PPP2R5E: variants seen among roughly 807,000 people sequenced by gnomAD.
PPP2R5E encodes serine/threonine-protein phosphatase 2A 56 kDa regulatory subunit epsilon isoform.
Under a neutral mutation model 65.3 loss-of-function variants are expected in PPP2R5E, and 4 were observed. The ratio of observed to expected loss-of-function variants is 0.06; its 90% confidence interval spans 0.03 to 0.14. The LOEUF (loss-of-function observed/expected upper bound fraction) is 0.14, where lower values mean the gene tolerates loss of function less well. Ranked by LOEUF, PPP2R5E falls within the 10% of genes least tolerant of loss-of-function variation. The pLI is 1.00. For synonymous variants in PPP2R5E, 183 were observed against 187.4 expected (o/e 0.98, Z 0.19); for missense variants, 274 against 556.1 (o/e 0.49, Z 5.10).
chr14:63,521,401 G>A (rs1892902214), intron 2 of PPP2R5E, among the ~76,000 whole-genome samples: 2 of 152,214 alleles, frequency 1.3e-5, no homozygotes, highest in African/African-American at 4.8e-5. Flanking sequence ...GGGCGCAGTG[G>A]CTCATGCCTG....
chr14:63,511,108 C>T (rs1892435617), intron 2 of PPP2R5E, among the ~76,000 whole-genome samples: 1 of 152,216 alleles, frequency 6.6e-6, no homozygotes, highest in East Asian at 1.9e-4. Context: ...AATTTTATAG[C>T]TCCTCCCACA....
chr14:63,502,727 A>G (rs933851657), intron 2 of PPP2R5E, among the ~76,000 whole-genome samples: 5 of 152,184 alleles, frequency 3.3e-5, no homozygotes, highest in African/African-American at 4.8e-5. Context: ...CATCTATAGG[A>G]AGGATAAATA....
chr14:63,432,109 G>A (rs1887707865), intron 3 of PPP2R5E, among the ~76,000 whole-genome samples: 1 of 151,072 alleles, frequency 6.6e-6, no homozygotes, highest in Non-Finnish European at 1.5e-5. Context: ...TATTCAAAAG[G>A]CAGTATTAAA....
intron 2 of PPP2R5E, among the ~76,000 whole-genome samples, chr14:63,521,971 C>T (rs937075650): frequency 3.5e-4 from 49 of 140,020 alleles, no homozygotes; most frequent in Non-Finnish European, 6.4e-4. Flanking sequence ...CCCCCTCTCC[C>T]CACGGTCTCC....
intron 3 of PPP2R5E, among the ~76,000 whole-genome samples, chr14:63,433,599 T>C (rs1887804940): frequency 6.6e-6 from 1 of 151,986 alleles, no homozygotes; most frequent in Admixed American, 6.5e-5. Flanking sequence ...TGTCCTACTT[T>C]CAGAAAGGTG....
intron 4 of PPP2R5E, among the ~76,000 whole-genome samples, chr14:63,417,984 T>A (rs186868857): frequency 9.2e-5 from 14 of 152,198 alleles, no homozygotes; most frequent in Non-Finnish European, 1.8e-4. Flanking sequence ...CACGTCAGAC[T>A]CTAATTTAAG....
intron 3 of PPP2R5E, among the ~76,000 whole-genome samples, chr14:63,433,044 T>TG (rs938042295): frequency 9.8e-5 from 14 of 143,456 alleles, no homozygotes; most frequent in Admixed American, 2.1e-4. Context: ...TTTTTTTTTT[T>TG]TTTTTTTTTT....
rs1432093596 is a variant in PPP2R5E, at chr14:63,460,344, A to G, written c.158-6459T>C. On this transcript the variant is annotated intron_variant, in intron 2 of 13. Coordinates refer to ENST00000337537, the MANE Select transcript of PPP2R5E (RefSeq NM_006246.5). ...CTGCAGCTAGTATCTGAACCCCAGT[A>G]GTCTTACTGCCCCAACAGTCTTGCT... 2.0e-5 allele frequency among the ~76,000 whole-genome samples: 3 copies of G among 152,200 alleles called. No homozygotes were observed. In the South Asian group the frequency reaches 6.2e-4, roughly 32 times the overall value.
At chr14:63,475,646 GA>G (rs1264120038) in intron 2 of PPP2R5E, among the ~76,000 whole-genome samples, 16 of 152,130 alleles carry the variant, frequency 1.1e-4, no homozygotes, top group African/African-American at 3.6e-4. Flanking sequence ...ATTTTTGGAG[GA>G]AAAACTACAA....
intron 2 of PPP2R5E, among the ~76,000 whole-genome samples, chr14:63,461,068 G>A (rs1594898539): frequency 1.3e-5 from 2 of 152,282 alleles, no homozygotes; most frequent in Middle Eastern, 6.8e-3. Flanking sequence ...CTCATTAGAG[G>A]TTTAATTATT....
At chr14:63,381,106 A>G (rs528050230) in intron 13 of PPP2R5E, among the ~76,000 whole-genome samples, 2 of 152,316 alleles carry the variant, frequency 1.3e-5, no homozygotes, top group East Asian at 3.9e-4. Flanking sequence ...AGCTCTCTAG[A>G]CTTCTATAAT....
chr14:63,424,667 C>T (rs1214269716), intron 3 of PPP2R5E, among the ~76,000 whole-genome samples: 1 of 151,036 alleles, frequency 6.6e-6, no homozygotes, highest in African/African-American at 2.4e-5. Flanking sequence ...AGGAGAATGG[C>T]GTGAACCCGG....
rs1887338037 is a variant in PPP2R5E at position 63,426,447 on chromosome 14, G to A, written c.355-4353C>T. Among the ~76,000 whole-genome samples, 7 of 151,892 alleles carry A rather than the reference G, an allele frequency of 4.6e-5. No homozygotes were observed. The South Asian group carries it at 1.2e-3, about 27-fold the overall frequency. ...AAAGTTTATAAATAAAGATTTGGAC[G>A]GAAAGGCAATTGAAAATTGTGTGAT... On this transcript the variant is annotated intron_variant, in intron 3 of 13. Transcript: ENST00000337537.
At chr14:63,501,274 G>A (rs377632342) in intron 2 of PPP2R5E, among the ~76,000 whole-genome samples, 7 of 152,082 alleles carry the variant, frequency 4.6e-5, no homozygotes, top group Middle Eastern at 3.4e-3. Flanking sequence ...GCGTGGTGGC[G>A]AGCGCCTGTA....
intron 3 of PPP2R5E, among the ~76,000 whole-genome samples, chr14:63,422,737 A>C (rs1273451462): frequency 9.0e-6 from 1 of 110,874 alleles, no homozygotes; most frequent in African/African-American, 4.3e-5. Context: ...TTTAAAAAAA[A>C]AAAAAAAAAA....
At chr14:63,462,743 TAATAA>T (rs756841284) in intron 2 of PPP2R5E, among the ~76,000 whole-genome samples, 17 of 152,168 alleles carry the variant, frequency 1.1e-4, no homozygotes, top group Non-Finnish European at 2.2e-4. Flanking sequence ...ATAATGTATT[TAATAA>T]AATAAATTAT....
chr14:63,408,312 A>G (rs1270757495), intron 5 of PPP2R5E, among the ~76,000 whole-genome samples: 1 of 152,052 alleles, frequency 6.6e-6, no homozygotes, highest in Non-Finnish European at 1.5e-5. Flanking sequence ...TGTTGGGTCT[A>G]AATTTAAGTT....
At chr14:63,475,237 C>G (rs1890349421) in intron 2 of PPP2R5E, among the ~76,000 whole-genome samples, 1 of 152,242 alleles carries the variant, frequency 6.6e-6, no homozygotes, top group Admixed American at 6.5e-5. Flanking sequence ...TCTGCTGGAA[C>G]AGCATTTCAC....
At chr14:63,415,627 T>C (rs957303107) in intron 4 of PPP2R5E, among the ~76,000 whole-genome samples, 8 of 152,154 alleles carry the variant, frequency 5.3e-5, no homozygotes, top group Admixed American at 2.6e-4. Context: ...TATAAATATA[T>C]TTTTACAGTT....
Sources: allele counts gnomAD v4.1 joint callset (sites outside exome capture counted in the v4.1 genomes callset), GRCh38; gene constraint gnomAD v4.1.1; transcripts MANE v1.5; gene names NCBI Gene and HGNC (gene_info 2026-07-23, HGNC 2026-07-21).